PTPRG: variants seen among roughly 807,000 people sequenced by gnomAD.
The protein encoded by PTPRG is protein tyrosine phosphatase receptor type G.
Under a neutral mutation model 165.3 loss-of-function variants are expected in PTPRG, and 102 were observed. That is an observed-to-expected ratio of 0.62 (90% CI 0.53 to 0.73). PTPRG has a LOEUF of 0.73. Ranked by LOEUF, PTPRG falls within the 30% of genes least tolerant of loss-of-function variation. PTPRG has a pLI of 0.00. For missense variants in PTPRG, 1,866 were observed against 1,861.4 expected (o/e 1.00, Z -0.05); for synonymous variants, 675 against 669.5 (o/e 1.01, Z -0.13).
intron 1 of PTPRG, chr3:61,739,056 C>G (rs928063267): frequency 1.6e-5 from 2 of 128,376 alleles, no homozygotes; most frequent in African/African-American, 6.0e-5. Context: ...AACTCCTGGG[C>G]TCAAGCTCTC....
At chr3:61,820,725 G>A (rs11130853) in intron 2 of PTPRG, among the ~76,000 whole-genome samples, 19,739 of 150,448 alleles carry the variant, frequency 0.13, 1,372 homozygotes, top group East Asian at 0.28. Flanking sequence ...AGATAGAGGC[G>A]CCTGGCTGCT....
rs371664428 is a variant in PTPRG, at chr3:62,271,528, A to C, written c.3155A>C (p.Glu1052Ala). 4.3e-6 allele frequency: 7 copies of C among 1,613,634 alleles called. No homozygotes were observed. In the African/African-American group the frequency reaches 9.3e-5, roughly 22 times the overall value. ...AGATCCTCAGCAGCTCGGATGCCAGAAACGGGCCCTGTGTTGGTGCACTGC... is the reference window on the plus strand; with the variant it reads ...AGATCCTCAGCAGCTCGGATGCCAGCAACGGGCCCTGTGTTGGTGCACTGC... ...VRRSSAARMPETGPVLVHCSA... is the reference protein window; with the variant it reads ...VRRSSAARMPATGPVLVHCSA... The change falls in exon 21 of 30, where the codon GAA becomes GCA. Residue 1052 changes from glutamate (E) to alanine (A), a missense_variant. Around this residue, in one of 3 missense-constraint regions of PTPRG, gnomAD observed 1,452 missense variants for 1,463.0 expected, o/e 0.99. Transcript: ENST00000474889. The surrounding 1 kb of genome is among the most constrained non-coding windows in gnomAD (Gnocchi z 4.1).
chr3:61,916,427 C>T (rs1456810012), intron 2 of PTPRG, among the ~76,000 whole-genome samples: 1 of 152,034 alleles, frequency 6.6e-6, no homozygotes, highest in African/African-American at 2.4e-5. Context: ...TTTTAACCTC[C>T]TACTCCCCAC....
intron 1 of PTPRG, among the ~76,000 whole-genome samples, chr3:61,712,962 G>T (rs2031635683): frequency 6.6e-6 from 1 of 152,108 alleles, no homozygotes; most frequent in African/African-American, 2.4e-5. Flanking sequence ...GTTCATGGAG[G>T]GGTAGGTTGT....
intron 7 of PTPRG, among the ~76,000 whole-genome samples, chr3:62,162,650 A>G (rs1704812084): frequency 6.6e-6 from 1 of 152,176 alleles, no homozygotes; most frequent in South Asian, 2.1e-4. Context: ...AGATAGATAG[A>G]TGTATGTTGC....
chr3:61,633,780 T>C (rs2106935097), intron 1 of PTPRG, among the ~76,000 whole-genome samples: 1 of 152,284 alleles, frequency 6.6e-6, no homozygotes, highest in South Asian at 2.1e-4. Context: ...TTGTACCTTA[T>C]CTTAGGAGGA....
At chr3:61,562,550 G>A (rs1699786061) in intron 1 of PTPRG, among the ~76,000 whole-genome samples, 178 bp downstream of exon 1, 1 of 151,824 alleles carries the variant, frequency 6.6e-6, no homozygotes, top group African/African-American at 2.4e-5. Flanking sequence ...TGTTTAGGGA[G>A]GCAGGCTAGT....
At chr3:61,934,089 C>T (rs1410573008) in intron 2 of PTPRG, among the ~76,000 whole-genome samples, 1 of 152,146 alleles carries the variant, frequency 6.6e-6, no homozygotes, top group Non-Finnish European at 1.5e-5. Context: ...GCTTGTTCTA[C>T]AGGGTGTTTA....
intron 2 of PTPRG, among the ~76,000 whole-genome samples, chr3:61,882,150 C>G (rs2037905595): frequency 6.6e-6 from 1 of 152,168 alleles, no homozygotes; most frequent in Non-Finnish European, 1.5e-5. Context: ...GAACAACTTT[C>G]TGAATGGGAA....
At chr3:61,962,860 G>A (rs1045999153) in intron 2 of PTPRG, among the ~76,000 whole-genome samples, 3 of 152,156 alleles carry the variant, frequency 2.0e-5, no homozygotes, top group Non-Finnish European at 4.4e-5. Context: ...CAGTAAACAA[G>A]TGTTATGTTT....
At chr3:62,235,777 C>T (rs866690450) in intron 14 of PTPRG, among the ~76,000 whole-genome samples, 1 of 152,148 alleles carries the variant, frequency 6.6e-6, no homozygotes, top group African/African-American at 2.4e-5. Context: ...ATTCTCTCCT[C>T]GTTTTAGTAT....
At chr3:61,592,166 C>T (rs183362007) in intron 1 of PTPRG, among the ~76,000 whole-genome samples, 200 of 151,952 alleles carry the variant, frequency 1.3e-3, no homozygotes, top group African/African-American at 4.2e-3. Flanking sequence ...AGGGTTTCTC[C>T]ATGTTGGTCA....
At chr3:61,770,137 A>C (rs1350612087) in intron 2 of PTPRG, 1 of 152,136 alleles carries the variant, frequency 6.6e-6, no homozygotes, top group Non-Finnish European at 1.5e-5. Flanking sequence ...TTTCCCTTGG[A>C]TTCGTGCTAT....
At chr3:61,619,293 A>G (rs902638594) in intron 1 of PTPRG, among the ~76,000 whole-genome samples, 3 of 152,174 alleles carry the variant, frequency 2.0e-5, no homozygotes, top group Non-Finnish European at 2.9e-5. Flanking sequence ...ATGGAGTTCT[A>G]TATACATACA....
intron 2 of PTPRG, among the ~76,000 whole-genome samples, chr3:61,809,957 C>T (rs1249624414): frequency 1.3e-5 from 2 of 152,170 alleles, no homozygotes; most frequent in Non-Finnish European, 2.9e-5. Context: ...GCATACTTCA[C>T]CTCAGGTGTG....
chr3:61,759,035 G>T (rs2106957217), intron 2 of PTPRG, among the ~76,000 whole-genome samples: 1 of 152,290 alleles, frequency 6.6e-6, no homozygotes, highest in South Asian at 2.1e-4. Flanking sequence ...TGTTCTTTGA[G>T]TGTAAAGTGG....
At chr3:61,832,825 C>T (rs2036339068) in intron 2 of PTPRG, among the ~76,000 whole-genome samples, 1 of 152,090 alleles carries the variant, frequency 6.6e-6, no homozygotes, top group African/African-American at 2.4e-5. Context: ...ACACTGAACC[C>T]AATATGTAGC....
intron 3 of PTPRG, among the ~76,000 whole-genome samples, chr3:61,992,397 T>G (rs1049000561): frequency 3.9e-5 from 6 of 152,204 alleles, no homozygotes; most frequent in African/African-American, 1.4e-4. Context: ...CTCACTCTGT[T>G]GCCCGGGCTG....
rs1393459337 is a variant in PTPRG at position 61,855,501 on chromosome 3, TA to T, written c.190+106520del. On this transcript the variant is annotated intron_variant, in intron 2 of 29. Transcript: ENST00000474889. ...GGTTGCTTGGAGTCTTCTAAAATTTTACTTTCTATATTTTGGTCTTCCATGT... is the reference window on the plus strand; with the variant it reads ...GGTTGCTTGGAGTCTTCTAAAATTTTCTTTCTATATTTTGGTCTTCCATGT... Among the ~76,000 whole-genome samples, 523 of 152,240 alleles carry T rather than the reference TA, an allele frequency of 3.4e-3. 6 individuals are homozygous for T. The highest frequency in any genetic ancestry group is 0.012 in the African/African-American group (488 of 41,542).
Sources: gnomAD v4.1 joint callset for allele counts (sites outside exome capture counted in the v4.1 genomes callset) on GRCh38, gnomAD v4.1.1 for gene constraint, gnomAD v4.1.1 regional missense constraint, Gnocchi (gnomAD v3.1) non-coding constraint, MANE v1.5 for transcripts, NCBI Gene and HGNC (gene_info 2026-07-23, HGNC 2026-07-21) for gene names.